The following STK32B variants were observed in gnomAD, a reference collection of about 807,000 sequenced individuals.
STK32B encodes serine/threonine kinase 32B, also known as serine/threonine-protein kinase 32B.
In STK32B, 43 loss-of-function variants were observed where a neutral mutation model predicts 52.6. That is an observed-to-expected ratio of 0.82 (90% confidence interval 0.64 to 1.05). The LOEUF (loss-of-function observed/expected upper bound fraction) is 1.05. Among genes scored for constraint, STK32B ranks in the 50% least tolerant of loss-of-function variants. STK32B has a pLI of 0.00. For missense variants in STK32B, 621 were observed against 534.6 expected, an observed-to-expected ratio of 1.16 and a Z score of -1.59; for synonymous variants, 238 against 204.3, an observed-to-expected ratio of 1.17 and a Z score of -1.41.
At chr4:5,099,800 G>A (rs1713625564) in intron 1 of STK32B, among the ~76,000 whole-genome samples, 1 of 152,124 alleles carries the variant, frequency 6.6e-6, no homozygotes, top group South Asian at 2.1e-4. Context: ...AGGAATGAGA[G>A]TTGCGCCCAT....
intron 3 of STK32B, among the ~76,000 whole-genome samples, chr4:5,214,983 T>C (rs1723104673): frequency 6.6e-6 from 1 of 152,208 alleles, no homozygotes; most frequent in Non-Finnish European, 1.5e-5. Flanking sequence ...TGACAATACA[T>C]GAAAAGAGAT....
At chr4:5,315,728 G>T (rs141269763) in intron 3 of STK32B, among the ~76,000 whole-genome samples, 1 of 139,200 alleles carries the variant, frequency 7.2e-6, no homozygotes, top group Admixed American at 7.7e-5. Flanking sequence ...CTCCAGTTTC[G>T]CCCTGAGACT....
At chr4:5,176,780 C>G (rs1380252693) in intron 3 of STK32B, among the ~76,000 whole-genome samples, 1 of 152,104 alleles carries the variant, frequency 6.6e-6, no homozygotes, top group Non-Finnish European at 1.5e-5. Context: ...TCATGGTCCT[C>G]AAGACACCAA....
chr4:5,437,901 A>G (rs1714236918), intron 6 of STK32B: 2 of 985,200 alleles, frequency 2.0e-6, no homozygotes, highest in Non-Finnish European at 2.4e-6. Context: ...AGGGATTATG[A>G]TATCAATATT....
At chr4:5,422,153 A>G (rs1252752048) in intron 6 of STK32B, among the ~76,000 whole-genome samples, 3 of 152,242 alleles carry the variant, frequency 2.0e-5, no homozygotes, top group African/African-American at 7.2e-5. Flanking sequence ...TATAGGCTTT[A>G]GAGGACACAG....
chr4:5,270,761 T>G (rs557715050), intron 3 of STK32B, among the ~76,000 whole-genome samples: 3 of 152,094 alleles, frequency 2.0e-5, no homozygotes, highest in Non-Finnish European at 2.9e-5. Context: ...GAATAAAACT[T>G]TATTTGCTGG....
intron 3 of STK32B, among the ~76,000 whole-genome samples, chr4:5,182,275 G>A (rs1296776181): frequency 6.6e-6 from 1 of 152,054 alleles, no homozygotes; most frequent in Non-Finnish European, 1.5e-5. Flanking sequence ...CACCCCTGAA[G>A]GTTGAGTAAA....
chr4:5,390,563 C>G (rs1374149499), intron 4 of STK32B, among the ~76,000 whole-genome samples: 1 of 152,124 alleles, frequency 6.6e-6, no homozygotes, highest in Non-Finnish European at 1.5e-5. Context: ...CTCTCCTGGT[C>G]CCTCTGTCTC....
intron 1 of STK32B, among the ~76,000 whole-genome samples, chr4:5,122,381 T>TTCACTCATTCATTCAC (rs1715093506): frequency 1.3e-5 from 2 of 151,346 alleles, no homozygotes; most frequent in Admixed American, 1.3e-4. Flanking sequence ...CACTCATTCA[T>TTCACTCATTCATTCAC]TCACTCACTC....
chr4:5,451,301 C>T (rs939570935), intron 7 of STK32B, among the ~76,000 whole-genome samples: 5 of 152,122 alleles, frequency 3.3e-5, no homozygotes, highest in African/African-American at 1.2e-4. Flanking sequence ...ATAATGTGAG[C>T]GCAGGTAGAG....
At chr4:5,330,320 A>G (rs188961007) in intron 3 of STK32B, among the ~76,000 whole-genome samples, 113 of 152,342 alleles carry the variant, frequency 7.4e-4, no homozygotes, top group African/African-American at 2.7e-3. Flanking sequence ...ATGTGATGCT[A>G]TACTACAATT....
intron 1 of STK32B, among the ~76,000 whole-genome samples, chr4:5,102,847 T>C (rs1577069981): frequency 7.8e-5 from 6 of 76,898 alleles, no homozygotes; most frequent in Non-Finnish European, 8.0e-5. Flanking sequence ...TCGACCTCTC[T>C]CCTCCCCCTC....
chr4:5,063,491 C>T (rs1022831288), intron 1 of STK32B, among the ~76,000 whole-genome samples: 4 of 151,872 alleles, frequency 2.6e-5, no homozygotes, highest in South Asian at 4.2e-4. Flanking sequence ...TACAGGTGCC[C>T]GCCACCATGC....
intron 3 of STK32B, among the ~76,000 whole-genome samples, chr4:5,209,534 G>A (rs1021223555): frequency 1.3e-5 from 2 of 152,144 alleles, no homozygotes; most frequent in East Asian, 1.9e-4. Context: ...TAGAGCTTAC[G>A]ATTTCTTGAA....
intron 3 of STK32B, among the ~76,000 whole-genome samples, chr4:5,329,970 C>T (rs960847266): frequency 6.6e-6 from 1 of 152,132 alleles, no homozygotes; most frequent in African/African-American, 2.4e-5. Context: ...AGGCTCCCTC[C>T]CCAGGGCTGC....
At chr4:5,252,898 C>G (rs1332402621) in intron 3 of STK32B, among the ~76,000 whole-genome samples, 1 of 152,042 alleles carries the variant, frequency 6.6e-6, no homozygotes, top group African/African-American at 2.4e-5. Flanking sequence ...GTGCGAGATT[C>G]TCTCCCCTTG....
intron 3 of STK32B, among the ~76,000 whole-genome samples, chr4:5,301,186 C>T (rs879321728): frequency 2.6e-5 from 4 of 152,004 alleles, no homozygotes; most frequent in Non-Finnish European, 4.4e-5. Context: ...TCCTAGCTTT[C>T]GTTGAGGATT....
intron 6 of STK32B, among the ~76,000 whole-genome samples, chr4:5,445,192 A>G (rs572503279): frequency 6.6e-5 from 10 of 152,296 alleles, no homozygotes; most frequent in Non-Finnish European, 1.3e-4. Flanking sequence ...AATGTGAAGC[A>G]AATGGAGAAT....
chr4:5,227,364 A>T (rs965502435), intron 3 of STK32B, among the ~76,000 whole-genome samples: 4 of 152,208 alleles, frequency 2.6e-5, no homozygotes, highest in Non-Finnish European at 5.9e-5. Flanking sequence ...TAATTTGAAA[A>T]ATAGTCACTG....
Sources: gnomAD v4.1 joint callset for allele counts (sites outside exome capture counted in the v4.1 genomes callset) on GRCh38, gnomAD v4.1.1 for gene constraint, MANE v1.5 for transcripts, NCBI Gene and HGNC (gene_info 2026-07-23, HGNC 2026-07-21) for gene names.